The following GRIN2D variants were observed in gnomAD, a reference collection of about 807,000 sequenced individuals.
The protein encoded by GRIN2D is glutamate ionotropic receptor NMDA type subunit 2D.
GRIN2D carries 37 observed loss-of-function variants against 103.2 expected under a neutral mutation model. The ratio of observed to expected loss-of-function variants is 0.36; its 90% CI spans 0.28 to 0.47. The LOEUF is 0.47. Among genes scored for constraint, GRIN2D ranks in the 20% least tolerant of loss-of-function variants. The probability of loss-of-function intolerance (pLI) is 1.00; values close to 1 mark genes in which losing one functional copy is unlikely to be tolerated. For missense variants in GRIN2D, 1,557 were observed against 1,910.6 expected (o/e 0.81, Z 3.45); for synonymous variants, 845 against 885.6 (o/e 0.95, Z 0.81).
intron 3 of GRIN2D, among the ~76,000 whole-genome samples, chr19:48,399,304 G>A (rs767696150): frequency 2.0e-5 from 3 of 152,200 alleles, no homozygotes; most frequent in Non-Finnish European, 4.4e-5. Flanking sequence ...GGTGGCTCAC[G>A]CCTGTAATCC....
At chr19:48,426,384 C>A (rs1360705840) in intron 11 of GRIN2D, among the ~76,000 whole-genome samples, 1 of 151,394 alleles carries the variant, frequency 6.6e-6, no homozygotes, top group Non-Finnish European at 1.5e-5. Flanking sequence ...TGCCACCACG[C>A]CCAGCTAATT....
Position 48,398,712 on chromosome 19 carries a change from T to A in GRIN2D, c.320T>A (p.Leu107Gln). ...RSLVLQLCDL[L>Q]SGLRVHGVVF... ...CTCGTGCTGCAGCTCTGCGACCTGC[T>A]GTCGGGGTTGCGCGTGCACGGCGTG... The change falls in exon 3 of 14, where the codon CTG (leucine) becomes CAG (glutamine). Residue 107 changes from leucine (L) to glutamine (Q), a missense_variant. Leu to Gln is a moderately radical substitution (Grantham distance 113). Transcript: ENST00000263269. 1 of 1,468,216 alleles carries A rather than the reference T, an allele frequency of 6.8e-7. No individual in the cohort carries two copies. Among genetic ancestry groups the A allele is most frequent in the Non-Finnish European group, 9.0e-7 (1 of 1,115,974 alleles). 90.9% of individuals were successfully genotyped at this position (1,468,216 alleles called of 1,614,324 possible).
At chr19:48,433,951 C>CT (rs778701949) in intron 11 of GRIN2D, among the ~76,000 whole-genome samples, 2,153 of 140,198 alleles carry the variant, frequency 0.015, 49 homozygotes, top group African/African-American at 0.045. Flanking sequence ...CGCTTCTTTT[C>CT]TTTTTTTTTT....
chr19:48,396,670 C>A (rs917121786), intron 2 of GRIN2D, among the ~76,000 whole-genome samples: 2 of 151,960 alleles, frequency 1.3e-5, no homozygotes, highest in Non-Finnish European at 2.9e-5. Context: ...AGCCCCCAAC[C>A]CCTTCCCTGG....
Position 48,443,223 on chromosome 19 carries a change from G to A in GRIN2D, c.3297G>A (p.Ala1099=), listed in dbSNP as rs1388010672. 4.7e-6 allele frequency: 6 copies of A among 1,269,404 alleles called. No individual in the cohort carries two copies. Among genetic ancestry groups the A allele is most frequent in the East Asian group, 3.8e-5 (1 of 26,488 alleles). 78.6% of individuals were successfully genotyped at this position (1,269,404 alleles called of 1,614,324 possible). The change falls in exon 14 of 14, where the codon GCG becomes GCA. Residue 1099 remains alanine (A), a synonymous_variant. Transcript: ENST00000263269. The surrounding 1 kb of genome is among the most constrained non-coding windows in gnomAD (Gnocchi z 8.9). ...APAAPPPCRA[A]PPPCPYLDLE... ...CCGCTCCGCCCCCGTGCCGCGCCGCGCCGCCCCCGTGCCCTTACCTCGATC... is the reference window on the plus strand; with the variant it reads ...CCGCTCCGCCCCCGTGCCGCGCCGCACCGCCCCCGTGCCCTTACCTCGATC...
chr19:48,432,979 T>C (rs1180086984), intron 11 of GRIN2D, among the ~76,000 whole-genome samples: 2 of 148,676 alleles, frequency 1.3e-5, no homozygotes, highest in Non-Finnish European at 3.0e-5. Context: ...TCAGTAGAGG[T>C]GGGGTTTCAC....
At position 48,415,038 on chromosome 19, in the gene GRIN2D, G is replaced by C. The variant is rs575224079; in HGVS notation, c.1581+6G>C. The C allele has an allele frequency of 4.3e-5, 68 of 1,571,544 alleles. No individual in the cohort carries two copies. The highest frequency in any genetic ancestry group is 5.7e-5 in the Non-Finnish European group (66 of 1,154,924). On this transcript the variant is annotated splice_donor_region_variant and intron_variant, in intron 7 of 13. Transcript: ENST00000263269. ...GGAACGGCATGATCGGGGAGGTGAG[G>C]GGGCGGACGGGAGGCGGGGAATCTT...
At chr19:48,396,535 G>A (rs1286191587) in intron 2 of GRIN2D, among the ~76,000 whole-genome samples, 1 of 151,822 alleles carries the variant, frequency 6.6e-6, no homozygotes, top group Non-Finnish European at 1.5e-5. Flanking sequence ...GGCCACAGCT[G>A]TGGGTTATTT....
Position 48,414,186 on chromosome 19 carries a change from G to C in GRIN2D, c.1200+81G>C, listed in dbSNP as rs992717705. ...GGCAGAGGGGGGGCTTGAGGTCGTG[G>C]ACTAAGAGGGAGGAGGGGACAAGGA... is the stretch of plus-strand genomic sequence containing the variant. On this transcript the variant is annotated intron_variant, in intron 5 of 13. Coordinates refer to ENST00000263269, the MANE Select transcript of GRIN2D (RefSeq NM_000836.4). The surrounding 1 kb of genome is among the most constrained non-coding windows in gnomAD (Gnocchi z 4.6). 1 of 956,344 alleles carries C rather than the reference G, an allele frequency of 1.0e-6. No homozygotes were observed. Among genetic ancestry groups the C allele is most frequent in the African/African-American group, 1.6e-5 (1 of 62,352 alleles). The allele number at this position is 956,344 out of a possible 1,614,324, so 59.2% of individuals were successfully genotyped here.
chr19:48,409,507 C>G (rs554240538), intron 4 of GRIN2D, among the ~76,000 whole-genome samples: 2 of 152,156 alleles, frequency 1.3e-5, no homozygotes, highest in East Asian at 3.9e-4. Context: ...AAACTCCTGA[C>G]CTCAGGTGAT....
intron 11 of GRIN2D, among the ~76,000 whole-genome samples, chr19:48,431,352 T>C (rs1260632085): frequency 4.0e-5 from 6 of 151,860 alleles, no homozygotes; most frequent in Admixed American, 3.3e-4. Context: ...CTGAAAAGTC[T>C]TTTTTTCTGT....
chr19:48,400,032 G>A (rs944170292), intron 3 of GRIN2D, among the ~76,000 whole-genome samples: 2 of 152,194 alleles, frequency 1.3e-5, no homozygotes, highest in Non-Finnish European at 2.9e-5. Context: ...GAGGATGAAG[G>A]CTTATGGTGG....
Position 48,404,909 on chromosome 19 carries a change from G to A in GRIN2D, c.641G>A (p.Gly214Asp). The change falls in exon 4 of 14, where the codon GGC becomes GAC. Residue 214 changes from glycine (G) to aspartate (D), a missense_variant. Around this residue, in one of 7 missense-constraint regions of GRIN2D, gnomAD observed 490 missense variants for 601.1 expected, o/e 0.82. Transcript: ENST00000263269. ...GTGCTGACTGACGGTAGTCTGGTGG[G>A]CTGGGAGCACCGCGGAGCGCTGACG... ...IEVLTDGSLV[G>D]WEHRGALTLD... The A allele has an allele frequency of 6.2e-7, 1 of 1,614,028 alleles. No individual in the cohort carries two copies.
rs1182283049 is a variant in GRIN2D at position 48,443,721 on chromosome 19, C to T, written c.3795C>T (p.Pro1265=). The T allele has an allele frequency of 7.5e-7, 1 of 1,326,984 alleles. No individual in the cohort carries two copies. Among genetic ancestry groups the T allele is most frequent in the Non-Finnish European group, 9.6e-7 (1 of 1,040,746 alleles). The allele number at this position is 1,326,984 out of a possible 1,614,324, so 82.2% of individuals were successfully genotyped here. The change falls in exon 14 of 14, where the codon CCC becomes CCT. Residue 1265 remains proline, a synonymous_variant. Transcript: ENST00000263269. This position sits in a 1 kb window ranked among gnomAD's most constrained non-coding sequence, Gnocchi z 8.9. ...CTGGGGGCTGGGACCTCCCGCCGCC[C>T]GCGCCCACCTCGCGCTCGCTCGAGG... ...RAAGGWDLPP[P]APTSRSLEDL...
intron 11 of GRIN2D, among the ~76,000 whole-genome samples, chr19:48,439,583 T>C (rs1971268482): frequency 6.6e-6 from 1 of 152,200 alleles, no homozygotes; most frequent in South Asian, 2.1e-4. Context: ...AACAAATGCA[T>C]CCATGAGAAC....
chr19:48,437,933 G>A (rs139215249), intron 11 of GRIN2D, among the ~76,000 whole-genome samples: 4 of 152,228 alleles, frequency 2.6e-5, no homozygotes, highest in South Asian at 4.1e-4. Context: ...ATTCTCCAAC[G>A]GTGGGATGAT....
At position 48,441,965 on chromosome 19, in the gene GRIN2D, G is replaced by A. The variant is rs750080977; in HGVS notation, c.2440+9G>A. 2.5e-6 allele frequency: 4 copies of A among 1,597,516 alleles called. No individual in the cohort carries two copies. The highest frequency in any genetic ancestry group is 1.3e-5 in the African/African-American group (1 of 74,732). On this transcript the variant is annotated intron_variant, in intron 12 of 13. Transcript: ENST00000263269. ...GCAGTTCCTGGGGGATGGTGCGGCT[G>A]CACACAGGGATTTCCACAGCGGAGA...
rs1198928970 is a variant in GRIN2D, at chr19:48,419,375, T to G, written c.1861+16T>G. ...ACGGGCAAGCGTGAGTCCCCCTTCCTCCATCCCCCGCCTCGGAGATCCCGA... is the reference window on the plus strand; with the variant it reads ...ACGGGCAAGCGTGAGTCCCCCTTCCGCCATCCCCCGCCTCGGAGATCCCGA... On this transcript the variant is annotated intron_variant, in intron 9 of 13. Transcript: ENST00000263269. 6.3e-7 allele frequency: 1 copy of G among 1,589,936 alleles called. No homozygotes were observed. The highest frequency in any genetic ancestry group is 1.4e-5 in the African/African-American group (1 of 73,080).
At chr19:48,400,216 T>A (rs918790590) in intron 3 of GRIN2D, among the ~76,000 whole-genome samples, 1 of 151,506 alleles carries the variant, frequency 6.6e-6, no homozygotes. Context: ...GCTCTGTGGA[T>A]TGAGAATGGG....
Sources: gnomAD v4.1 joint callset for allele counts (sites outside exome capture counted in the v4.1 genomes callset) on GRCh38, gnomAD v4.1.1 for gene constraint, gnomAD v4.1.1 regional missense constraint, Gnocchi (gnomAD v3.1) non-coding constraint, MANE v1.5 for transcripts, NCBI Gene and HGNC (gene_info 2026-07-23, HGNC 2026-07-21) for gene names.